Variants in FRMD4A observed in about 807,000 individuals in gnomAD.
The protein encoded by FRMD4A is FERM domain-containing protein 4A.
Under a neutral mutation model 129.1 loss-of-function variants are expected in FRMD4A, and 29 were observed. The ratio of observed to expected loss-of-function variants is 0.22; its 90% CI spans 0.17 to 0.31. FRMD4A has a LOEUF of 0.31. Among genes scored for constraint, FRMD4A ranks in the 10% least tolerant of loss-of-function variants. The pLI, the probability that FRMD4A is intolerant of heterozygous loss-of-function variation, is 1.00. For synonymous variants in FRMD4A, 634 were observed against 571.6 expected, an observed-to-expected ratio of 1.11 and a Z score of -1.56; for missense variants, 1,272 against 1,375.8, an observed-to-expected ratio of 0.92 and a Z score of 1.19.
intron 12 of FRMD4A, among the ~76,000 whole-genome samples, chr10:13,715,298 G>A (rs1337961109): frequency 1.3e-5 from 2 of 152,084 alleles, no homozygotes; most frequent in Admixed American, 6.6e-5. Flanking sequence ...TTCTGTGCAT[G>A]GGTTGAAGGT....
intron 6 of FRMD4A, among the ~76,000 whole-genome samples, chr10:13,781,028 C>T (rs1355209157): frequency 1.3e-5 from 2 of 152,234 alleles, no homozygotes; most frequent in South Asian, 4.2e-4. Context: ...GGCAGCCAAG[C>T]GTGGTGGCCC....
chr10:13,810,788 C>A (rs755959194), intron 4 of FRMD4A, 26 bp downstream of exon 4: 2 of 1,227,064 alleles, frequency 1.6e-6, no homozygotes, highest in Admixed American at 3.5e-5. Context: ...TCCCTTCGGG[C>A]TGTGAGGGCT....
chr10:14,135,672 T>C (rs1228837153), intron 2 of FRMD4A, among the ~76,000 whole-genome samples: 4 of 152,238 alleles, frequency 2.6e-5, no homozygotes, highest in Admixed American at 6.5e-5. Context: ...GAAAAACATA[T>C]ATGACTATGA....
At chr10:14,056,763 CA>C (rs1344564320) in intron 2 of FRMD4A, among the ~76,000 whole-genome samples, 8 of 152,182 alleles carry the variant, frequency 5.3e-5, no homozygotes, top group Non-Finnish European at 8.8e-5. Context: ...TGCAAATAGT[CA>C]GGCATTTCAC....
chr10:14,128,714 T>C (rs1448430297), intron 2 of FRMD4A, among the ~76,000 whole-genome samples: 1 of 152,192 alleles, frequency 6.6e-6, no homozygotes, highest in Non-Finnish European at 1.5e-5. Flanking sequence ...TGGTAACATC[T>C]TGTAGGTTGC....
intron 2 of FRMD4A, among the ~76,000 whole-genome samples, chr10:14,246,478 T>C (rs757375772): frequency 2.6e-5 from 4 of 151,848 alleles, no homozygotes; most frequent in Non-Finnish European, 5.9e-5. Flanking sequence ...CAAACACACA[T>C]ACATATGCAC....
chr10:14,107,667 A>G (rs888576805), intron 2 of FRMD4A, among the ~76,000 whole-genome samples: 4 of 152,278 alleles, frequency 2.6e-5, no homozygotes, highest in East Asian at 1.9e-4. Flanking sequence ...AAAAGTGTGT[A>G]TATATTCATA....
At chr10:14,010,688 T>A (rs1233457246) in intron 2 of FRMD4A, among the ~76,000 whole-genome samples, 5 of 139,518 alleles carry the variant, frequency 3.6e-5, no homozygotes, top group African/African-American at 1.4e-4. Flanking sequence ...TTTTTTTTTT[T>A]AAATAGAGAC....
intron 2 of FRMD4A, among the ~76,000 whole-genome samples, chr10:14,273,424 CACTT>C (rs1262533408): frequency 6.6e-6 from 1 of 152,096 alleles, no homozygotes; most frequent in East Asian, 1.9e-4. Flanking sequence ...CTACTCATAA[CACTT>C]ACTTCTTACA....
Position 13,656,623 on chromosome 10 carries a change from C to G in FRMD4A, c.2953+13G>C. On this transcript the variant is annotated intron_variant, in intron 22 of 24. Coordinates refer to ENST00000357447, the MANE Select transcript of FRMD4A (RefSeq NM_018027.5). ...TCAGGTCTTCCCGCGTGCACCTGGCCGCCCCCTCTCACCTGACGTGGCCTT... is the reference window on the plus strand; with the variant it reads ...TCAGGTCTTCCCGCGTGCACCTGGCGGCCCCCTCTCACCTGACGTGGCCTT... 7.2e-7 allele frequency: 1 copy of G among 1,392,062 alleles called. No individual in the cohort carries two copies. The highest frequency in any genetic ancestry group is 2.8e-4 in the Middle Eastern group (1 of 3,592). The allele number at this position is 1,392,062 out of a possible 1,614,324, so 86.2% of individuals were successfully genotyped here. A position where few individuals can be genotyped will look rare whatever the true frequency, so the allele number is the denominator to read the frequency against.
At chr10:13,849,725 C>T (rs544947685) in intron 3 of FRMD4A, among the ~76,000 whole-genome samples, 2 of 151,490 alleles carry the variant, frequency 1.3e-5, no homozygotes, top group African/African-American at 2.4e-5. Flanking sequence ...GTGACCCACC[C>T]GCCTCGGCCT....
At chr10:14,320,143 T>A (rs1846918298) in intron 2 of FRMD4A, among the ~76,000 whole-genome samples, 1 of 152,104 alleles carries the variant, frequency 6.6e-6, no homozygotes, top group Non-Finnish European at 1.5e-5. Context: ...CTCCCTCCAA[T>A]GTCCCCAGCA....
chr10:14,221,970 C>G (rs1589189452), intron 2 of FRMD4A, among the ~76,000 whole-genome samples: 1 of 152,262 alleles, frequency 6.6e-6, no homozygotes, highest in East Asian at 1.9e-4. Context: ...TGCTGCTTCT[C>G]AGGAAGGTAG....
At chr10:13,923,562 G>A (rs1042209008) in intron 2 of FRMD4A, among the ~76,000 whole-genome samples, 5 of 152,014 alleles carry the variant, frequency 3.3e-5, no homozygotes, top group Non-Finnish European at 7.4e-5. Context: ...TATTCTAATC[G>A]GCAAATGGCC....
intron 13 of FRMD4A, 76 bp from the exon 14 acceptor site, chr10:13,701,554 G>C (rs1564644798): frequency 3.5e-6 from 5 of 1,425,660 alleles, no homozygotes; most frequent in East Asian, 2.3e-5. Flanking sequence ...AGCTTCTGTA[G>C]AGAACCCACT....
chr10:13,868,692 G>A (rs182097202), intron 2 of FRMD4A, among the ~76,000 whole-genome samples: 51 of 152,248 alleles, frequency 3.3e-4, no homozygotes, highest in East Asian at 1.4e-3. Flanking sequence ...CCAGCTACTC[G>A]GGAGGCTGAG....
chr10:14,328,077 A>G (rs1289135204), intron 2 of FRMD4A, among the ~76,000 whole-genome samples: 1 of 152,138 alleles, frequency 6.6e-6, no homozygotes, highest in Non-Finnish European at 1.5e-5. Context: ...ATAGGGGAAA[A>G]TTTCCCTGAA....
rs189574000 is a variant in FRMD4A, at chr10:13,919,666, G to A, written c.46-60754C>T. Among the ~76,000 whole-genome samples the A allele has an allele frequency of 3.4e-3, 519 of 152,158 alleles. 4 individuals are homozygous for A. Among genetic ancestry groups the A allele is most frequent in the African/African-American group, 0.012 (497 of 41,506 alleles). ...AAAAAATTGGATTAAGGCCAGTCGCGGTGGCTGAAGCCTGTAATCCCAGCA... is the reference window on the plus strand; with the variant it reads ...AAAAAATTGGATTAAGGCCAGTCGCAGTGGCTGAAGCCTGTAATCCCAGCA... On this transcript the variant is annotated intron_variant, in intron 2 of 24. Transcript: ENST00000357447.
chr10:14,319,437 A>G (rs951467772), intron 2 of FRMD4A, among the ~76,000 whole-genome samples: 2 of 150,278 alleles, frequency 1.3e-5, no homozygotes, highest in Non-Finnish European at 3.0e-5. Context: ...GTTTGCATGC[A>G]TATGTTCCTA....
Sources: allele counts gnomAD v4.1 joint callset (sites outside exome capture counted in the v4.1 genomes callset), GRCh38; gene constraint gnomAD v4.1.1; transcripts MANE v1.5; gene names NCBI Gene and HGNC (gene_info 2026-07-23, HGNC 2026-07-21).